Variants in ATP9A observed in about 807,000 individuals in gnomAD.
The protein encoded by ATP9A is probable phospholipid-transporting ATPase IIA.
A neutral mutation model predicts 144.1 loss-of-function variants in ATP9A; 52 were observed. The ratio of observed to expected loss-of-function variants is 0.36; its 90% CI spans 0.29 to 0.45. The LOEUF is 0.45. ATP9A is among the 20% of genes least tolerant of loss of function. ATP9A has a pLI of 1.00. For synonymous variants in ATP9A, 582 were observed against 557.4 expected, an observed-to-expected ratio of 1.04 and a Z score of -0.62; for missense variants, 947 against 1,392.7, an observed-to-expected ratio of 0.68 and a Z score of 5.09.
chr20:51,717,366 G>A (rs1448802614), intron 3 of ATP9A, among the ~76,000 whole-genome samples: 4 of 152,036 alleles, frequency 2.6e-5, no homozygotes, highest in African/African-American at 9.7e-5. Flanking sequence ...ATCAGCGATG[G>A]TCACCTAGAA....
intron 14 of ATP9A, among the ~76,000 whole-genome samples, chr20:51,649,779 T>C (rs2077356195): frequency 6.6e-6 from 1 of 151,820 alleles, no homozygotes; most frequent in Non-Finnish European, 1.5e-5. Flanking sequence ...CCGGGCGTGG[T>C]GGTAGATGCC....
intron 19 of ATP9A, among the ~76,000 whole-genome samples, chr20:51,620,458 T>C (rs1406555884): frequency 6.6e-6 from 1 of 152,206 alleles, no homozygotes; most frequent in Non-Finnish European, 1.5e-5. Flanking sequence ...TTGCAATATC[T>C]TCATAAATAT....
intron 6 of ATP9A, among the ~76,000 whole-genome samples, chr20:51,694,893 G>T (rs1331372395): frequency 6.6e-6 from 1 of 152,166 alleles, no homozygotes; most frequent in Non-Finnish European, 1.5e-5. Context: ...AAAAGAGCAT[G>T]TCAGGGGCCC....
intron 1 of ATP9A, among the ~76,000 whole-genome samples, chr20:51,755,176 G>A (rs1342871830): frequency 2.6e-5 from 4 of 151,948 alleles, no homozygotes; most frequent in East Asian, 1.9e-4. Context: ...GATGGCTCAC[G>A]CCTGTAATCC....
At chr20:51,606,010 C>T (rs952957351) in intron 26 of ATP9A, among the ~76,000 whole-genome samples, 2 of 152,076 alleles carry the variant, frequency 1.3e-5, no homozygotes, top group African/African-American at 4.8e-5. Flanking sequence ...TGGCTTACGC[C>T]TGTAATCCCA....
chr20:51,714,632 T>C (rs1011447362), intron 3 of ATP9A, among the ~76,000 whole-genome samples: 2 of 152,138 alleles, frequency 1.3e-5, no homozygotes, highest in Admixed American at 1.3e-4. Flanking sequence ...CCTCCCAAAG[T>C]GCTGGGATTA....
intron 6 of ATP9A, among the ~76,000 whole-genome samples, chr20:51,694,905 ACTCCATAATG>A (rs1167834674): frequency 2.6e-5 from 4 of 152,092 alleles, no homozygotes; most frequent in African/African-American, 9.7e-5. Flanking sequence ...CAGGGGCCCT[ACTCCATAATG>A]CTCTGTTTTC....
chr20:51,678,554 T>A (rs982481752), intron 9 of ATP9A, among the ~76,000 whole-genome samples: 4 of 152,102 alleles, frequency 2.6e-5, no homozygotes, highest in Non-Finnish European at 5.9e-5. Flanking sequence ...AGGGAGAGCT[T>A]GCGGTGGCTT....
At chr20:51,626,072 G>A (rs1448986909) in intron 17 of ATP9A, among the ~76,000 whole-genome samples, 6 of 152,214 alleles carry the variant, frequency 3.9e-5, no homozygotes, top group Admixed American at 3.9e-4. Context: ...TTTAGGCCAG[G>A]CACCAGAGAC....
chr20:51,722,599 A>G (rs13040274), intron 3 of ATP9A, among the ~76,000 whole-genome samples: 2,771 of 152,334 alleles, frequency 0.018, 42 homozygotes, highest in Non-Finnish European at 0.029. Context: ...AAAATGATCA[A>G]CATCACTAAT....
At chr20:51,703,926 CTCTAA>C (rs1011984864) in intron 4 of ATP9A, among the ~76,000 whole-genome samples, 5 of 152,132 alleles carry the variant, frequency 3.3e-5, no homozygotes, top group African/African-American at 7.2e-5. Context: ...TTAACTCACA[CTCTAA>C]TCTAACTGTG....
At chr20:51,713,976 G>A (rs529543254) in intron 3 of ATP9A, among the ~76,000 whole-genome samples, 1 of 152,066 alleles carries the variant, frequency 6.6e-6, no homozygotes, top group South Asian at 2.1e-4. Context: ...GCTCGATCTC[G>A]GCTCACTGCA....
chr20:51,730,219 A>G (rs936358310), intron 1 of ATP9A, among the ~76,000 whole-genome samples: 7 of 152,210 alleles, frequency 4.6e-5, no homozygotes, highest in African/African-American at 1.7e-4. Context: ...CTGTAATCCC[A>G]GCACTTTGGG....
At chr20:51,690,237 C>T (rs184616192) in intron 8 of ATP9A, among the ~76,000 whole-genome samples, 22 of 151,142 alleles carry the variant, frequency 1.5e-4, no homozygotes, top group African/African-American at 3.6e-4. Flanking sequence ...TGGCTAACAC[C>T]GTGAAAACCC....
intron 9 of ATP9A, among the ~76,000 whole-genome samples, chr20:51,681,965 TTGGGCAGG>T (rs1287496391): frequency 1.3e-5 from 2 of 152,072 alleles, no homozygotes; most frequent in Admixed American, 1.3e-4. Flanking sequence ...GTGGTTACCC[TTGGGCAGG>T]TGTGGGGCAG....
At position 51,671,191 on chromosome 20, in the gene ATP9A, G is replaced by GA. The variant is rs1568813485; in HGVS notation, c.1103dup (p.Gly370ArgfsTer11). 6.2e-7 allele frequency: 1 copy of GA among 1,614,114 alleles called. No homozygotes were observed. Among genetic ancestry groups the GA allele is most frequent in the Admixed American group, 1.7e-5 (1 of 60,008 alleles). On this transcript the variant is annotated frameshift_variant, in exon 12 of 28. Transcript: ENST00000338821. LOFTEE classifies it high-confidence loss of function. ...TGCTGGAGCGAACCACGGTCCCGGG[G>GA]ATTTTCGAGTCCCTTCGAATCACCC...
intron 9 of ATP9A, among the ~76,000 whole-genome samples, chr20:51,687,437 C>G (rs145671121): frequency 1.3e-5 from 2 of 152,310 alleles, no homozygotes; most frequent in East Asian, 3.9e-4. Context: ...CCTTGCCACA[C>G]AGGATCCTAA....
chr20:51,608,544 G>A lies in ATP9A; in HGVS notation c.2719C>T (p.Pro907Ser). Residue 907 changes from proline to serine, a missense_variant, in exon 25 of 28, where the codon CCT (proline) becomes TCT (serine). Coordinates refer to ENST00000338821, the MANE Select transcript of ATP9A (RefSeq NM_006045.3). ...TTGAGAAGATCCTTGTAGAGCTCAG[G>A]ATACAGCATGGCAACTTCCGATTTG... Reference protein sequence around the residue: ...DVKSEVAMLYPELYKDLLKGR... With the variant: ...DVKSEVAMLYSELYKDLLKGR... The A allele has an allele frequency of 6.2e-7, 1 of 1,609,770 alleles. No individual in the cohort carries two copies. Among genetic ancestry groups the A allele is most frequent in the Non-Finnish European group, 8.5e-7 (1 of 1,176,018 alleles).
chr20:51,717,483 G>A (rs1387856019), intron 3 of ATP9A, among the ~76,000 whole-genome samples: 1 of 152,084 alleles, frequency 6.6e-6, no homozygotes, highest in Admixed American at 6.6e-5. Context: ...CACAGGAAAA[G>A]CTGACTAAAA....
Sources: gnomAD v4.1 joint callset for allele counts (sites outside exome capture counted in the v4.1 genomes callset) on GRCh38, gnomAD v4.1.1 for gene constraint, MANE v1.5 for transcripts, NCBI Gene and HGNC (gene_info 2026-07-23, HGNC 2026-07-21) for gene names.